The following FZD1 variants were observed in gnomAD, a reference collection of about 807,000 sequenced individuals.
FZD1 encodes the protein frizzled-1.
Under a neutral mutation model 48.0 loss-of-function variants are expected in FZD1, and 22 were observed. The observed-to-expected ratio is 0.46, with a 90% CI of 0.33 to 0.65. The LOEUF is 0.65. Among genes scored for constraint, FZD1 ranks in the 30% least tolerant of loss-of-function variants. FZD1 has a pLI of 0.02. For synonymous variants in FZD1, 486 were observed against 409.6 expected, an observed-to-expected ratio of 1.19 and a Z score of -2.25; for missense variants, 843 against 898.1, an observed-to-expected ratio of 0.94 and a Z score of 0.78.
In FZD1 at chr7:91,266,871, T is replaced by TC; in HGVS notation, c.*52dup. On this transcript the variant is annotated 3_prime_UTR_variant, in exon 1 of 1. Transcript: ENST00000287934. This position sits in a 1 kb window ranked among gnomAD's most constrained non-coding sequence, Gnocchi z 6.8. Reference sequence around the variant, plus strand: ...CCAGGCCTCGGCCGGGGCGCAGCGATCCCCCAAAGCCAGCGCCGTGGAGTT... The same window carrying TC: ...CCAGGCCTCGGCCGGGGCGCAGCGATCCCCCCAAAGCCAGCGCCGTGGAGTT... 1 of 1,285,638 alleles carries TC rather than the reference T, an allele frequency of 7.8e-7. No homozygotes were observed. Among genetic ancestry groups the TC allele is most frequent in the Non-Finnish European group, 1.1e-6 (1 of 920,194 alleles). The allele number at this position is 1,285,638 out of a possible 1,614,324, so 79.6% of individuals were successfully genotyped here. A position where few individuals can be genotyped will look rare whatever the true frequency, so the allele number is the denominator to read the frequency against.
Position 91,265,595 on chromosome 7 carries a change from A to C in FZD1, c.715A>C (p.Thr239Pro). Residue 239 changes from threonine (T) to proline (P), a missense_variant, in exon 1 of 1, where the codon ACG becomes CCG. By Grantham distance (38) the Thr-to-Pro change is conservative (BLOSUM62 -1). This residue lies in a region of FZD1 where 490 missense variants were observed against 466.5 expected (regional missense o/e 1.05). Transcript: ENST00000287934. This position sits in a 1 kb window ranked among gnomAD's most constrained non-coding sequence, Gnocchi z 6.9. ...GQNTSDKGTP[T>P]PSLLPEFWTS... ...GAACACGTCCGACAAGGGCACCCCG[A>C]CGCCCTCGCTGCTTCCAGAGTTCTG... 1.9e-6 allele frequency: 3 copies of C among 1,608,334 alleles called. No homozygotes were observed. The highest frequency in any genetic ancestry group is 2.5e-6 in the Non-Finnish European group (3 of 1,178,996).
rs1188282618 is a variant in FZD1 at position 91,269,747 on chromosome 7, A to G, written c.*2923A>G. On this transcript the variant is annotated 3_prime_UTR_variant, in exon 1 of 1. Coordinates refer to ENST00000287934, the MANE Select transcript of FZD1 (RefSeq NM_003505.2). ...ATATAGTAGATAGAGGGTTTATTGT[A>G]TAGACATACACAAAAAAATAGTATT... 1.2e-5 allele frequency: 2 copies of G among 166,910 alleles called. No homozygotes were observed. Among genetic ancestry groups the G allele is most frequent in the Non-Finnish European group, 2.9e-5 (2 of 68,102 alleles). The allele number at this position is 166,910 out of a possible 1,614,324, so 10.3% of individuals were successfully genotyped here.
chr7:91,264,847 A>T lies in FZD1; in HGVS notation c.-34A>T. 7.9e-7 allele frequency: 1 copy of T among 1,266,356 alleles called. No individual in the cohort carries two copies. Among genetic ancestry groups the T allele is most frequent in the African/African-American group, 1.6e-5 (1 of 64,170 alleles). 78.4% of individuals were successfully genotyped at this position (1,266,356 alleles called of 1,614,324 possible). A position where few individuals can be genotyped will look rare whatever the true frequency, so the allele number is the denominator to read the frequency against. On this transcript the variant is annotated 5_prime_UTR_variant, in exon 1 of 1. Coordinates refer to ENST00000287934, the MANE Select transcript of FZD1 (RefSeq NM_003505.2). ...CGCCGGCCGTGCCCCTGGCAGCCCC[A>T]GCGGAGCGGCGCCAAGAGAGGAGCC...
rs778416263 is a variant in FZD1, at chr7:91,266,359, G to T, written c.1479G>T (p.Ala493=). Residue 493 remains alanine (A), a synonymous_variant, in exon 1 of 1, where the codon GCG becomes GCT. Coordinates refer to ENST00000287934, the MANE Select transcript of FZD1 (RefSeq NM_003505.2). This position sits in a 1 kb window ranked among gnomAD's most constrained non-coding sequence, Gnocchi z 6.8. ...ACGCGCTGCGTGGCTTCGTGCTGGCGCCCCTCTTCGTGTACCTGTTTATCG... is the reference window on the plus strand; with the variant it reads ...ACGCGCTGCGTGGCTTCGTGCTGGCTCCCCTCTTCGTGTACCTGTTTATCG... The part of the protein sequence containing the change: ...NVDALRGFVL[A]PLFVYLFIGT... 5.6e-6 allele frequency: 9 copies of T among 1,614,008 alleles called. No individual in the cohort carries two copies.
At position 91,266,411 on chromosome 7, in the gene FZD1, G is replaced by C. The variant is rs972769168; in HGVS notation, c.1531G>C (p.Val511Leu). 6.2e-7 allele frequency: 1 copy of C among 1,614,052 alleles called. No individual in the cohort carries two copies. Among genetic ancestry groups the C allele is most frequent in the African/African-American group, 1.3e-5 (1 of 74,936 alleles). ...CACGTCCTTTCTGCTGGCCGGCTTTGTGTCGCTCTTCCGCATCCGCACCAT... is the reference window on the plus strand; with the variant it reads ...CACGTCCTTTCTGCTGGCCGGCTTTCTGTCGCTCTTCCGCATCCGCACCAT... The part of the protein sequence containing the change: ...IGTSFLLAGF[V>L]SLFRIRTIMK... Residue 511 changes from valine (V) to leucine (L), a missense_variant, in exon 1 of 1, where the codon GTG becomes CTG. Around this residue, in one of 2 missense-constraint regions of FZD1, gnomAD observed 353 missense variants for 431.6 expected, o/e 0.82. Transcript: ENST00000287934. This position sits in a 1 kb window ranked among gnomAD's most constrained non-coding sequence, Gnocchi z 6.8.
In FZD1 at chr7:91,267,955, C is replaced by T. The variant is rs553171437; in HGVS notation, c.*1131C>T. Reference sequence around the variant, plus strand: ...TTGCCTTTGAGAATGAGACAGCCTGCGCTTAGATTTTACCGGTCTGTAAAA... The same window carrying T: ...TTGCCTTTGAGAATGAGACAGCCTGTGCTTAGATTTTACCGGTCTGTAAAA... On this transcript the variant is annotated 3_prime_UTR_variant, in exon 1 of 1. Transcript: ENST00000287934. The T allele has an allele frequency of 4.8e-5, 8 of 167,134 alleles. No homozygotes were observed. Among genetic ancestry groups the T allele is most frequent in the African/African-American group, 1.9e-4 (8 of 41,544 alleles). The allele number at this position is 167,134 out of a possible 1,614,324, so 10.4% of individuals were successfully genotyped here. A position where few individuals can be genotyped will look rare whatever the true frequency, so the allele number is the denominator to read the frequency against.
Position 91,265,867 on chromosome 7 carries a change from G to A in FZD1, c.987G>A (p.Leu329=). The change falls in exon 1 of 1, where the codon CTG becomes CTA. Residue 329 remains leucine, a synonymous_variant. Transcript: ENST00000287934. This position sits in a 1 kb window ranked among gnomAD's most constrained non-coding sequence, Gnocchi z 6.9. ...CCTGGATTGGCATTTGGTCAGTGCTGTGCTGCGCCTCCACGCTCTTCACGG... is the reference window on the plus strand; with the variant it reads ...CCTGGATTGGCATTTGGTCAGTGCTATGCTGCGCCTCCACGCTCTTCACGG... ...SRTWIGIWSV[L]CCASTLFTVL... 1 of 1,614,018 alleles carries A rather than the reference G, an allele frequency of 6.2e-7. No homozygotes were observed.
In FZD1 at chr7:91,271,001, A is replaced by G. The variant is rs1254112957; in HGVS notation, c.*4177A>G. The G allele has an allele frequency of 1.2e-5, 2 of 167,070 alleles. No individual in the cohort carries two copies. Among genetic ancestry groups the G allele is most frequent in the African/African-American group, 2.4e-5 (1 of 41,482 alleles). The allele number at this position is 167,070 out of a possible 1,614,324, so 10.3% of individuals were successfully genotyped here. On this transcript the variant is annotated 3_prime_UTR_variant, in exon 1 of 1. Transcript: ENST00000287934. The stretch of plus-strand genomic sequence containing the variant: ...ATGACTAAAAAGGAATTGCAATACT[A>G]TCTTAAATTGAAGGCTTTTATTTCA...
Position 91,264,763 on chromosome 7 carries a change from G to A in FZD1, c.-118G>A, listed in dbSNP as rs1306896647. 2 of 594,258 alleles carry A rather than the reference G, an allele frequency of 3.4e-6. No homozygotes were observed. Among genetic ancestry groups the A allele is most frequent in the African/African-American group, 1.9e-5 (1 of 52,074 alleles). 36.8% of individuals were successfully genotyped at this position (594,258 alleles called of 1,614,324 possible). A position where few individuals can be genotyped will look rare whatever the true frequency, so the allele number is the denominator to read the frequency against. ...GGAGCCGGGGGAGCGGGCCGAAAGC[G>A]GCTTGGGCTCGACGGAGGGCACCCG... On this transcript the variant is annotated 5_prime_UTR_variant, in exon 1 of 1. Transcript: ENST00000287934.
chr7:91,264,493 AGGC>A lies in FZD1; in HGVS notation c.-376_-374del. The A allele has an allele frequency of 2.3e-4, 70 of 298,100 alleles. No individual in the cohort carries two copies. Among genetic ancestry groups the A allele is most frequent in the South Asian group, 4.6e-4 (3 of 6,558 alleles). 18.5% of individuals were successfully genotyped at this position (298,100 alleles called of 1,614,324 possible). ...AGTTGAGGGATTGACACAAATGGTC[AGGC>A]GGCGGCGGCGGAGAAGGAGGCGGAG... On this transcript the variant is annotated 5_prime_UTR_variant, in exon 1 of 1. Transcript: ENST00000287934.
rs1281315398 is a variant in FZD1 at position 91,265,247 on chromosome 7, C to CTG, written c.370_371dup (p.Thr125AlafsTer33). 1.9e-6 allele frequency: 3 copies of CTG among 1,614,128 alleles called. No homozygotes were observed. Among genetic ancestry groups the CTG allele is most frequent in the Non-Finnish European group, 2.5e-6 (3 of 1,179,976 alleles). On this transcript the variant is annotated frameshift_variant, in exon 1 of 1. Coordinates refer to ENST00000287934, the MANE Select transcript of FZD1 (RefSeq NM_003505.2). LOFTEE classifies it high-confidence loss of function. The surrounding 1 kb of genome is among the most constrained non-coding windows in gnomAD (Gnocchi z 6.9). ...CTATTGCCAGCCCATCTCCATCCCG[C>CTG]TGTGCACGGACATCGCGTACAACCA...
Position 91,266,842 on chromosome 7 carries a change from A to T in FZD1, c.*18A>T, listed in dbSNP as rs1803891364. 1 of 1,514,834 alleles carries T rather than the reference A, an allele frequency of 6.6e-7. No individual in the cohort carries two copies. The highest frequency in any genetic ancestry group is 1.2e-5 in the South Asian group (1 of 80,418). 93.8% of individuals were successfully genotyped at this position (1,514,834 alleles called of 1,614,324 possible). On this transcript the variant is annotated 3_prime_UTR_variant, in exon 1 of 1. Coordinates refer to ENST00000287934, the MANE Select transcript of FZD1 (RefSeq NM_003505.2). The surrounding 1 kb of genome is among the most constrained non-coding windows in gnomAD (Gnocchi z 6.8). ...CAGTCTGAGACCCGGGGCTCAGCCC[A>T]TGCCCAGGCCTCGGCCGGGGCGCAG...
chr7:91,265,630 C>A lies in FZD1; in HGVS notation c.750C>A (p.Asn250Lys). ...PSLLPEFWTS[N>K]PQHGGGGHRG... ...TGCTTCCAGAGTTCTGGACCAGCAACCCTCAGCACGGCGGCGGAGGGCACC... is the reference window on the plus strand; with the variant it reads ...TGCTTCCAGAGTTCTGGACCAGCAAACCTCAGCACGGCGGCGGAGGGCACC... Residue 250 changes from asparagine (N) to lysine (K), a missense_variant, in exon 1 of 1, where the codon AAC becomes AAA. By Grantham distance (94) the Asn-to-Lys change is moderately conservative. This residue lies in a region of FZD1 where 490 missense variants were observed against 466.5 expected (regional missense o/e 1.05). Coordinates refer to ENST00000287934, the MANE Select transcript of FZD1 (RefSeq NM_003505.2). The surrounding 1 kb of genome is among the most constrained non-coding windows in gnomAD (Gnocchi z 6.9). The A allele has an allele frequency of 6.3e-7, 1 of 1,595,352 alleles. No homozygotes were observed. The highest frequency in any genetic ancestry group is 8.5e-7 in the Non-Finnish European group (1 of 1,170,442).
Position 91,264,775 on chromosome 7 carries a change from A to T in FZD1, c.-106A>T, listed in dbSNP as rs1179262468. ...GCGGGCCGAAAGCGGCTTGGGCTCG[A>T]CGGAGGGCACCCGCGCAGAGGTCTC... On this transcript the variant is annotated 5_prime_UTR_variant, in exon 1 of 1. Transcript: ENST00000287934. 6 of 708,858 alleles carry T rather than the reference A, an allele frequency of 8.5e-6. No individual in the cohort carries two copies. The highest frequency in any genetic ancestry group is 9.8e-6 in the Non-Finnish European group (5 of 509,076). The allele number at this position is 708,858 out of a possible 1,614,324, so 43.9% of individuals were successfully genotyped here. A position where few individuals can be genotyped will look rare whatever the true frequency, so the allele number is the denominator to read the frequency against.
rs958227072 is a variant in FZD1, at chr7:91,267,336, A to C, written c.*512A>C. On this transcript the variant is annotated 3_prime_UTR_variant, in exon 1 of 1. Coordinates refer to ENST00000287934, the MANE Select transcript of FZD1 (RefSeq NM_003505.2). ...ACGGCTGGGCGCCAGCTCCGGGGCG[A>C]GTTCAGCACTGCGGGGTGCGACTAG... 1 of 168,592 alleles carries C rather than the reference A, an allele frequency of 5.9e-6. No individual in the cohort carries two copies. Among genetic ancestry groups the C allele is most frequent in the African/African-American group, 2.4e-5 (1 of 41,416 alleles). 10.4% of individuals were successfully genotyped at this position (168,592 alleles called of 1,614,324 possible).
Position 91,264,489 on chromosome 7 carries a change from G to T in FZD1, c.-392G>T. On this transcript the variant is annotated 5_prime_UTR_variant, in exon 1 of 1. It removes an upstream start codon present in the reference 5' UTR. Coordinates refer to ENST00000287934, the MANE Select transcript of FZD1 (RefSeq NM_003505.2). ...AGCGAGTTGAGGGATTGACACAAAT[G>T]GTCAGGCGGCGGCGGCGGAGAAGGA... The T allele has an allele frequency of 3.4e-6, 1 of 295,096 alleles. No homozygotes were observed. The highest frequency in any genetic ancestry group is 1.5e-4 in the South Asian group (1 of 6,544). The allele number at this position is 295,096 out of a possible 1,614,324, so 18.3% of individuals were successfully genotyped here.
At position 91,270,082 on chromosome 7, in the gene FZD1, C is replaced by T. The variant is rs577340580; in HGVS notation, c.*3258C>T. ...TTTTAATACTGGTGGCAAAATAGGACGTGTCTGGAAAACCATAAGGCTACT... is the reference window on the plus strand; with the variant it reads ...TTTTAATACTGGTGGCAAAATAGGATGTGTCTGGAAAACCATAAGGCTACT... On this transcript the variant is annotated 3_prime_UTR_variant, in exon 1 of 1. Coordinates refer to ENST00000287934, the MANE Select transcript of FZD1 (RefSeq NM_003505.2). The T allele has an allele frequency of 2.6e-4, 43 of 167,036 alleles. No homozygotes were observed. The highest frequency in any genetic ancestry group is 9.2e-4 in the African/African-American group (38 of 41,494). 10.3% of individuals were successfully genotyped at this position (167,036 alleles called of 1,614,324 possible).
At position 91,267,129 on chromosome 7, in the gene FZD1, A is replaced by C. The variant is rs185823198; in HGVS notation, c.*305A>C. On this transcript the variant is annotated 3_prime_UTR_variant, in exon 1 of 1. Coordinates refer to ENST00000287934, the MANE Select transcript of FZD1 (RefSeq NM_003505.2). ...GATTTTTGTAAGTATATTTGTATTT[A>C]AATGACGACCGATCACGCGTTTTTC... The C allele has an allele frequency of 3.7e-6, 1 of 268,302 alleles. No individual in the cohort carries two copies. The highest frequency in any genetic ancestry group is 7.6e-5 in the East Asian group (1 of 13,182). 16.6% of individuals were successfully genotyped at this position (268,302 alleles called of 1,614,324 possible). A position where few individuals can be genotyped will look rare whatever the true frequency, so the allele number is the denominator to read the frequency against.
Position 91,264,743 on chromosome 7 carries a change from C to G in FZD1, c.-138C>G. ...CGGCTGCGGTACGCAGAACAGGAGC[C>G]GGGGGAGCGGGCCGAAAGCGGCTTG... On this transcript the variant is annotated 5_prime_UTR_variant, in exon 1 of 1. Transcript: ENST00000287934. The G allele has an allele frequency of 2.1e-6, 1 of 482,208 alleles. No homozygotes were observed. Among genetic ancestry groups the G allele is most frequent in the Non-Finnish European group, 3.3e-6 (1 of 303,984 alleles). 29.9% of individuals were successfully genotyped at this position (482,208 alleles called of 1,614,324 possible). A position where few individuals can be genotyped will look rare whatever the true frequency, so the allele number is the denominator to read the frequency against.
Sources: gnomAD v4.1 joint callset for allele counts on GRCh38, gnomAD v4.1.1 for gene constraint, gnomAD v4.1.1 regional missense constraint, Gnocchi (gnomAD v3.1) non-coding constraint, MANE v1.5 for transcripts, NCBI Gene and HGNC (gene_info 2026-07-23, HGNC 2026-07-21) for gene names.